Variants in HEATR5B observed in about 807,000 individuals in gnomAD.
HEATR5B encodes HEAT repeat containing 5B.
In HEATR5B, 156 loss-of-function variants were observed where a neutral mutation model predicts 224.1. That is an observed-to-expected ratio of 0.70 (90% CI 0.61 to 0.80). The LOEUF is 0.80. HEATR5B is among the 30% of genes least tolerant of loss of function. The pLI, the probability that HEATR5B is intolerant of heterozygous loss-of-function variation, is 0.00. For synonymous variants in HEATR5B, 1,027 were observed against 893.0 expected (o/e 1.15, Z -2.68); for missense variants, 2,323 against 2,535.5 (o/e 0.92, Z 1.80).
At chr2:37,008,924 T>TA (rs750288468) in intron 27 of HEATR5B, 76 bp from the exon 28 acceptor site, 4 of 960,184 alleles carry the variant, frequency 4.2e-6, no homozygotes, top group Non-Finnish European at 6.3e-6. Context: ...ATTATAAAAA[T>TA]ACAGTTAAAT....
intron 22 of HEATR5B, 24 bp from the exon 23 acceptor site, chr2:37,028,944 A>C: frequency 1.2e-6 from 2 of 1,610,450 alleles, no homozygotes; most frequent in Non-Finnish European, 1.7e-6. Context: ...TTTACAAATG[A>C]ATTTGTATGG....
Position 37,003,653 on chromosome 2 carries a change from G to A in HEATR5B, c.4939C>T (p.Arg1647Cys), listed in dbSNP as rs938717171. 2.5e-6 allele frequency: 4 copies of A among 1,609,662 alleles called. No individual in the cohort carries two copies. Among genetic ancestry groups the A allele is most frequent in the Non-Finnish European group, 3.4e-6 (4 of 1,177,698 alleles). ...IGVELLSVLH[R>C]LLLTWNPSSV... The stretch of plus-strand genomic sequence containing the variant: ...GATGGATTCCAGGTCAATAGAAGGC[G>A]GTGCAAAACACTCAGCAACTCAACA... Residue 1647 changes from arginine (R) to cysteine (C), a missense_variant, in exon 31 of 36, where the codon CGC (arginine) becomes TGC (cysteine). By Grantham distance (180) the Arg-to-Cys change is radical. Coordinates refer to ENST00000233099, the MANE Select transcript of HEATR5B (RefSeq NM_019024.3).
At chr2:36,994,638 A>G (rs180765981) in intron 33 of HEATR5B, among the ~76,000 whole-genome samples, 1 of 152,332 alleles carries the variant, frequency 6.6e-6, no homozygotes, top group East Asian at 1.9e-4. Flanking sequence ...AATTCACCTC[A>G]TATGAATGAA....
rs766991328 is a variant in HEATR5B, at chr2:37,049,776, A to G, written c.2573T>C (p.Met858Thr). 2.5e-6 allele frequency: 4 copies of G among 1,613,356 alleles called. No individual in the cohort carries two copies. In the Admixed American group the frequency reaches 6.7e-5, roughly 27 times the overall value. The change falls in exon 18 of 36, where the codon ATG becomes ACG. Residue 858 changes from methionine to threonine, a missense_variant. This residue lies in a region of HEATR5B where 170 missense variants were observed against 216.7 expected (regional missense o/e 0.78). Coordinates refer to ENST00000233099, the MANE Select transcript of HEATR5B (RefSeq NM_019024.3). The stretch of plus-strand genomic sequence containing the variant: ...GGGGTTTGGGTTGTCCAGAGGACCC[A>G]TAACCAGTGTCAGGGCAGATTTACG... ...EVRKSALTLVMGPLDNPNPIL... is the reference protein window; with the variant it reads ...EVRKSALTLVTGPLDNPNPIL...
At chr2:37,044,706 A>G (rs975613844) in intron 18 of HEATR5B, among the ~76,000 whole-genome samples, 1 of 152,238 alleles carries the variant, frequency 6.6e-6, no homozygotes, top group African/African-American at 2.4e-5. Context: ...AGTGTCTGTA[A>G]CATTTTGCAT....
chr2:37,005,837 T>C (rs1667380966), intron 29 of HEATR5B, 78 bp from the exon 30 acceptor site: 1 of 1,172,202 alleles, frequency 8.5e-7, no homozygotes, highest in East Asian at 2.5e-5. Flanking sequence ...TTCTTCTCTA[T>C]TTATGTTTTT....
At chr2:37,039,310 C>G (rs1036163050) in intron 20 of HEATR5B, among the ~76,000 whole-genome samples, 2 of 151,966 alleles carry the variant, frequency 1.3e-5, no homozygotes, top group African/African-American at 2.4e-5. Flanking sequence ...ACTAAAAATA[C>G]AACAAATTAG....
rs779523416 is a variant in HEATR5B, at chr2:37,058,878, GCTTA to G, written c.1949+6_1949+9del. The G allele has an allele frequency of 3.3e-6, 5 of 1,519,864 alleles. No homozygotes were observed. Among genetic ancestry groups the G allele is most frequent in the East Asian group, 2.3e-5 (1 of 44,244 alleles). 94.1% of individuals were successfully genotyped at this position (1,519,864 alleles called of 1,614,324 possible). A position where few individuals can be genotyped will look rare whatever the true frequency, so the allele number is the denominator to read the frequency against. The stretch of plus-strand genomic sequence containing the variant: ...AATAGGATGTGAACTTGTCTCAATC[GCTTA>G]CTTACTGTGACATCATAGTCATGGC... On this transcript the variant is annotated splice_donor_region_variant and intron_variant, in intron 13 of 35. Coordinates refer to ENST00000233099, the MANE Select transcript of HEATR5B (RefSeq NM_019024.3).
At chr2:37,048,698 C>T (rs1264862709) in intron 18 of HEATR5B, among the ~76,000 whole-genome samples, 1 of 152,086 alleles carries the variant, frequency 6.6e-6, no homozygotes, top group Non-Finnish European at 1.5e-5. Context: ...TAATCTATTG[C>T]TAGAAAATAG....
chr2:37,054,763 G>A (rs554266217), intron 16 of HEATR5B, among the ~76,000 whole-genome samples: 45 of 152,274 alleles, frequency 3.0e-4, no homozygotes, highest in Non-Finnish European at 4.0e-4. Flanking sequence ...GATAACAGGT[G>A]TGAGCCACAA....
At position 37,056,506 on chromosome 2, in the gene HEATR5B, A is replaced by G. The variant is rs1250385160; in HGVS notation, c.2333T>C (p.Val778Ala). 1 of 1,613,216 alleles carries G rather than the reference A, an allele frequency of 6.2e-7. No individual in the cohort carries two copies. The highest frequency in any genetic ancestry group is 8.5e-7 in the Non-Finnish European group (1 of 1,179,580). The change falls in exon 16 of 36, where the codon GTC (valine) becomes GCC (alanine). Residue 778 changes from valine (V) to alanine (A), a missense_variant. Physicochemically the swap from Val to Ala is moderately conservative, Grantham distance 64. Transcript: ENST00000233099. ...GGCCACAGAAGCATCAATGACTGAG[A>G]CTCCGAGAGGGAGGGGACCAGGTAC... ...EAVPGPLPLG[V>A]SVIDASVALF...
chr2:37,044,270 T>G (rs1414366085), intron 18 of HEATR5B, among the ~76,000 whole-genome samples: 3 of 152,202 alleles, frequency 2.0e-5, no homozygotes, highest in Admixed American at 6.5e-5. Flanking sequence ...GTCCCTTTGT[T>G]GTCATATTCC....
At chr2:36,996,203 G>A (rs13010805) in intron 33 of HEATR5B, among the ~76,000 whole-genome samples, 15,445 of 151,810 alleles carry the variant, frequency 0.1, 952 homozygotes, top group Non-Finnish European at 0.14. Flanking sequence ...TGGGATTATA[G>A]GCGCCTGCCA....
At position 37,060,697 on chromosome 2, in the gene HEATR5B, A is replaced by G. The variant is rs1558360744; in HGVS notation, c.1733T>C (p.Leu578Ser). 1.2e-6 allele frequency: 2 copies of G among 1,613,968 alleles called. No homozygotes were observed. Among genetic ancestry groups the G allele is most frequent in the Non-Finnish European group, 8.5e-7 (1 of 1,179,890 alleles). ...SVVRYHLPKMLLLWRNVFPRS... is the reference protein window; with the variant it reads ...SVVRYHLPKMSLLWRNVFPRS... ...TGGGAAAACATTTCGCCACAATAACAACATCTTGGGCAGATGGTAACGAAC... is the reference window on the plus strand; with the variant it reads ...TGGGAAAACATTTCGCCACAATAACGACATCTTGGGCAGATGGTAACGAAC... Residue 578 changes from leucine (L) to serine (S), a missense_variant, in exon 12 of 36, where the codon TTG becomes TCG. This residue lies in a region of HEATR5B where 502 missense variants were observed against 517.8 expected (regional missense o/e 0.97). Transcript: ENST00000233099.
intron 32 of HEATR5B, among the ~76,000 whole-genome samples, chr2:37,001,922 C>T (rs1482701957): frequency 1.3e-5 from 2 of 152,218 alleles, no homozygotes; most frequent in African/African-American, 2.4e-5. Context: ...CTGCCTCAGC[C>T]TCCCAAAGTG....
intron 21 of HEATR5B, among the ~76,000 whole-genome samples, chr2:37,033,803 T>G (rs1669292767): frequency 6.6e-6 from 1 of 152,142 alleles, no homozygotes; most frequent in Admixed American, 6.5e-5. Flanking sequence ...GAATATTAAC[T>G]CTTCACAGGA....
At chr2:37,084,179 T>C (rs1053596535) in intron 1 of HEATR5B, 90 bp downstream of exon 1, 4 of 283,926 alleles carry the variant, frequency 1.4e-5, no homozygotes, top group African/African-American at 8.7e-5. Flanking sequence ...AAAATGTTCA[T>C]TACGAACTCA....
At position 37,056,887 on chromosome 2, in the gene HEATR5B, A is replaced by G. The variant is rs79747454; in HGVS notation, c.2224-272T>C. Among the ~76,000 whole-genome samples, 26 of 152,354 alleles carry G rather than the reference A, an allele frequency of 1.7e-4. 1 individual carries two copies. The East Asian group carries it at 4.4e-3, about 26-fold the overall frequency. On this transcript the variant is annotated intron_variant, in intron 15 of 35. Coordinates refer to ENST00000233099, the MANE Select transcript of HEATR5B (RefSeq NM_019024.3). Reference sequence around the variant, plus strand: ...GCGTGAACAATATACACAAGATCTTAATCCCACAATTATTTTAAATGGGGC... The same window carrying G: ...GCGTGAACAATATACACAAGATCTTGATCCCACAATTATTTTAAATGGGGC...
intron 35 of HEATR5B, among the ~76,000 whole-genome samples, chr2:36,985,457 G>GT (rs1287470661): frequency 3.0e-4 from 39 of 127,914 alleles, no homozygotes; most frequent in African/African-American, 5.5e-4. Flanking sequence ...GCTTTTTTTT[G>GT]GTTTTTTTTT....
Sources: allele counts gnomAD v4.1 joint callset (sites outside exome capture counted in the v4.1 genomes callset), GRCh38; gene constraint gnomAD v4.1.1; regional missense constraint gnomAD v4.1.1; transcripts MANE v1.5; gene names NCBI Gene and HGNC (gene_info 2026-07-23, HGNC 2026-07-21).